The following STARD9 variants were observed in gnomAD, a reference collection of about 807,000 sequenced individuals.
The protein encoded by STARD9 is StAR related lipid transfer domain containing 9.
STARD9 carries 346 observed loss-of-function variants against 399.8 expected under a neutral mutation model. That is an observed-to-expected ratio of 0.87 (90% CI 0.79 to 0.95). The LOEUF is 0.95. Among genes scored for constraint, STARD9 ranks in the 40% least tolerant of loss-of-function variants. STARD9 has a pLI of 0.00. For missense variants in STARD9, 5,832 were observed against 5,667.5 expected (o/e 1.03, Z -0.93); for synonymous variants, 2,203 against 2,143.5 (o/e 1.03, Z -0.77).
chr15:42,664,445 C>A (rs1212808991), intron 13 of STARD9, among the ~76,000 whole-genome samples: 1 of 152,190 alleles, frequency 6.6e-6, no homozygotes, highest in African/African-American at 2.4e-5. Flanking sequence ...CTCACTGCAG[C>A]TTCAACCTCC....
intron 3 of STARD9, among the ~76,000 whole-genome samples, chr15:42,586,028 G>T (rs557056864): frequency 6.6e-6 from 1 of 152,318 alleles, no homozygotes; most frequent in Non-Finnish European, 1.5e-5. Context: ...AGAAATGGTA[G>T]TGAGAGGTAT....
intron 3 of STARD9, among the ~76,000 whole-genome samples, chr15:42,601,564 GCTGGGCGGGGGCTGCCCCC>G (rs1239282122): frequency 1.3e-5 from 2 of 149,606 alleles, no homozygotes; most frequent in Admixed American, 6.7e-5. Context: ...GGGGCGGCTG[GCTGGGCGGGGGCTGCCCCC>G]CCACCTCCCG....
At chr15:42,676,028 TC>T in intron 20 of STARD9, 53 bp downstream of exon 20, 1 of 993,546 alleles carries the variant, frequency 1.0e-6, no homozygotes, top group Non-Finnish European at 1.4e-6. Context: ...CGCTTCTTAG[TC>T]CATGACAGCA....
At chr15:42,629,246 T>C (rs1317029448) in intron 3 of STARD9, among the ~76,000 whole-genome samples, 1 of 152,138 alleles carries the variant, frequency 6.6e-6, no homozygotes, top group Non-Finnish European at 1.5e-5. Context: ...TATTCAACTC[T>C]TGCACTCAAG....
rs543699039 is a variant in STARD9, at chr15:42,663,776, A to G, written c.1079-44A>G. On this transcript the variant is annotated intron_variant, in intron 12 of 32. Coordinates refer to ENST00000290607, the MANE Select transcript of STARD9 (RefSeq NM_020759.3). ...ACAAGGCAAGTGATTAAGAGCTGGGATGGATGGGCTGGCATGTTTTTAAAC... is the reference window on the plus strand; with the variant it reads ...ACAAGGCAAGTGATTAAGAGCTGGGGTGGATGGGCTGGCATGTTTTTAAAC... 130 of 1,370,004 alleles carry G rather than the reference A, an allele frequency of 9.5e-5. No individual in the cohort carries two copies. The Middle Eastern group carries it at 1.8e-3, about 19-fold the overall frequency. 84.9% of individuals were successfully genotyped at this position (1,370,004 alleles called of 1,614,324 possible).
chr15:42,606,742 G>A (rs1472532324), intron 3 of STARD9, among the ~76,000 whole-genome samples: 1 of 151,838 alleles, frequency 6.6e-6, no homozygotes, highest in Non-Finnish European at 1.5e-5. Context: ...GATTACAGGT[G>A]TAAGCCACTG....
Position 42,686,480 on chromosome 15 carries a change from G to C in STARD9, c.4902G>C (p.Gln1634His). 1.3e-6 allele frequency: 2 copies of C among 1,537,818 alleles called. No homozygotes were observed. Among genetic ancestry groups the C allele is most frequent in the Non-Finnish European group, 8.7e-7 (1 of 1,147,056 alleles). Reference protein sequence around the residue: ...VKQNNLEECLQSCRKPGLMTS... With the variant: ...VKQNNLEECLHSCRKPGLMTS... ...AGAACAACTTGGAAGAATGCCTTCAGAGTTGCAGGAAACCTGGACTGATGA... is the reference window on the plus strand; with the variant it reads ...AGAACAACTTGGAAGAATGCCTTCACAGTTGCAGGAAACCTGGACTGATGA... The change falls in exon 23 of 33, where the codon CAG becomes CAC. Residue 1634 changes from glutamine (Q) to histidine (H), a missense_variant. By Grantham distance (24) the Gln-to-His change is conservative. This residue lies in a region of STARD9 where 5,828 missense variants were observed against 5,651.1 expected (regional missense o/e 1.03). Coordinates refer to ENST00000290607, the MANE Select transcript of STARD9 (RefSeq NM_020759.3).
At chr15:42,616,884 T>C (rs630620) in intron 3 of STARD9, among the ~76,000 whole-genome samples, 123,136 of 142,492 alleles carry the variant, frequency 0.86, 54,888 homozygotes, top group Non-Finnish European at 0.99. Context: ...GAGCGAGACT[T>C]CCTCTCAAAA....
At chr15:42,653,195 G>C (rs1164671596) in intron 9 of STARD9, among the ~76,000 whole-genome samples, 3 of 152,102 alleles carry the variant, frequency 2.0e-5, no homozygotes, top group African/African-American at 7.2e-5. Flanking sequence ...TAAAACAAAA[G>C]GTTGAAAAGA....
At position 42,684,432 on chromosome 15, in the gene STARD9, C is replaced by G. The variant is rs759209583; in HGVS notation, c.2854C>G (p.Leu952Val). ...HQMVSQGLAS[L>V]RKSANKLKPR... ...GATGGTGAGCCAGGGCTTAGCATCT[C>G]TGAGGAAATCAGCTAACAAACTAAA... Residue 952 changes from leucine (L) to valine (V), a missense_variant, in exon 23 of 33, where the codon CTG becomes GTG. Physicochemically the swap from Leu to Val is conservative, Grantham distance 32. This residue lies in a region of STARD9 where 5,828 missense variants were observed against 5,651.1 expected (regional missense o/e 1.03). Coordinates refer to ENST00000290607, the MANE Select transcript of STARD9 (RefSeq NM_020759.3). The G allele has an allele frequency of 6.5e-7, 1 of 1,537,218 alleles. No homozygotes were observed. Among genetic ancestry groups the G allele is most frequent in the South Asian group, 1.2e-5 (1 of 84,064 alleles).
chr15:42,675,810 G>T (rs2060298696), intron 19 of STARD9, 62 bp from the exon 20 acceptor site: 12 of 1,534,462 alleles, frequency 7.8e-6, no homozygotes, highest in Non-Finnish European at 9.6e-6. Context: ...TAGATGAAAA[G>T]CCAAGCTGGG....
chr15:42,699,392 C>CTTTTTCTTTTTTTTT (rs2060912049), intron 26 of STARD9, among the ~76,000 whole-genome samples: 1 of 113,280 alleles, frequency 8.8e-6, no homozygotes, highest in African/African-American at 4.1e-5. Flanking sequence ...TTTTTCTTTT[C>CTTTTTCTTTTTTTTT]TTTTTTTTTT....
At chr15:42,709,342 A>G (rs1413839363) in intron 26 of STARD9, among the ~76,000 whole-genome samples, 3 of 152,142 alleles carry the variant, frequency 2.0e-5, no homozygotes, top group East Asian at 3.9e-4. Context: ...GGCTGCAGTG[A>G]GCCATGATTA....
chr15:42,690,095 G>A lies in STARD9; in HGVS notation c.8517G>A (p.Glu2839=), dbSNP rs1243443476. The A allele has an allele frequency of 1.3e-6, 2 of 1,537,574 alleles. No individual in the cohort carries two copies. Among genetic ancestry groups the A allele is most frequent in the Admixed American group, 2.0e-5 (1 of 50,990 alleles). ...AGCAAGACCATGTCCAATGCCCTGA[G>A]GCTTCTACTGGCTTTGAAGAAGGTA... The part of the protein sequence containing the change: ...GPKQDHVQCP[E]ASTGFEEGRA... The change falls in exon 23 of 33, where the codon GAG becomes GAA. Residue 2839 remains glutamate (E), a synonymous_variant. Coordinates refer to ENST00000290607, the MANE Select transcript of STARD9 (RefSeq NM_020759.3).
rs573215252 is a variant in STARD9 at position 42,693,351 on chromosome 15, A to G, written c.11773A>G (p.Thr3925Ala). ...CTCTTTGACCCTCTCAGCCCCTTCA[A>G]CTCACCCTGTTGAAGGCCACCAGAA... ...PGSLTLSAPS[T>A]HPVEGHQKLD... The change falls in exon 23 of 33, where the codon ACT becomes GCT. Residue 3925 changes from threonine (T) to alanine (A), a missense_variant. Around this residue, in one of 2 missense-constraint regions of STARD9, gnomAD observed 5,828 missense variants for 5,651.1 expected, o/e 1.03. Coordinates refer to ENST00000290607, the MANE Select transcript of STARD9 (RefSeq NM_020759.3). The G allele has an allele frequency of 4.9e-5, 76 of 1,536,770 alleles. No individual in the cohort carries two copies. The highest frequency in any genetic ancestry group is 2.9e-4 in the African/African-American group (21 of 72,990).
intron 3 of STARD9, among the ~76,000 whole-genome samples, chr15:42,610,774 T>C (rs1157609168): frequency 6.6e-6 from 1 of 152,206 alleles, no homozygotes; most frequent in African/African-American, 2.4e-5. Context: ...CTTGAACTCC[T>C]GACCTCAGGT....
intron 26 of STARD9, among the ~76,000 whole-genome samples, chr15:42,708,689 T>TC (rs976664056): frequency 1.3e-5 from 2 of 152,184 alleles, no homozygotes; most frequent in African/African-American, 4.8e-5. Flanking sequence ...CTTTTTTTTT[T>TC]CATGTAAGAC....
chr15:42,609,751 T>A (rs2058811073), intron 3 of STARD9, among the ~76,000 whole-genome samples: 1 of 152,040 alleles, frequency 6.6e-6, no homozygotes, highest in Non-Finnish European at 1.5e-5. Flanking sequence ...AAATTTTAAT[T>A]TAAGTGAAGG....
At chr15:42,615,031 A>T (rs1334310879) in intron 3 of STARD9, among the ~76,000 whole-genome samples, 1 of 103,058 alleles carries the variant, frequency 9.7e-6, no homozygotes, top group Non-Finnish European at 2.1e-5. Flanking sequence ...TTTTTTTTCC[A>T]GGAGTCTTGC....
Sources: gnomAD v4.1 joint callset for allele counts (sites outside exome capture counted in the v4.1 genomes callset) on GRCh38, gnomAD v4.1.1 for gene constraint, gnomAD v4.1.1 regional missense constraint, MANE v1.5 for transcripts, NCBI Gene and HGNC (gene_info 2026-07-23, HGNC 2026-07-21) for gene names.